The following TASP1 variants were observed in gnomAD, a reference collection of about 807,000 sequenced individuals.
TASP1 encodes the protein threonine aspartase 1.
In TASP1, 16 loss-of-function variants were observed where a neutral mutation model predicts 56.6. The observed-to-expected ratio is 0.28, with a 90% CI of 0.19 to 0.43. The LOEUF is 0.43. Ranked by LOEUF, TASP1 falls within the 20% of genes least tolerant of loss-of-function variation. TASP1 has a pLI of 1.00. For missense variants in TASP1, 393 were observed against 511.6 expected, an observed-to-expected ratio of 0.77 and a Z score of 2.24; for synonymous variants, 179 against 184.2, an observed-to-expected ratio of 0.97 and a Z score of 0.23.
chr20:13,562,614 T>C (rs971294564), intron 7 of TASP1, among the ~76,000 whole-genome samples: 2 of 152,090 alleles, frequency 1.3e-5, no homozygotes, highest in Admixed American at 6.6e-5. Flanking sequence ...CAGTGGCTCA[T>C]GCCTGTAATC....
intron 11 of TASP1, among the ~76,000 whole-genome samples, chr20:13,474,799 T>C (rs2044660094): frequency 6.6e-6 from 1 of 152,194 alleles, no homozygotes; most frequent in African/African-American, 2.4e-5. Context: ...CAACATTTAT[T>C]GTTTTTTGAC....
chr20:13,351,377 G>C, the TASP1 span, among the ~76,000 whole-genome samples: 1 of 152,156 alleles, frequency 6.6e-6, no homozygotes, highest in Non-Finnish European at 1.5e-5. Context: ...ACCTGGTCAC[G>C]AATGTTTTAG....
rs1035655607 is a variant in TASP1, at chr20:13,580,999, A to T, written c.404-18T>A. On this transcript the variant is annotated intron_variant, in intron 5 of 13. Coordinates refer to ENST00000337743, the MANE Select transcript of TASP1 (RefSeq NM_017714.3). The stretch of plus-strand genomic sequence containing the variant: ...CTTGATTCCTATAAAAAAAAAAAAA[A>T]AATTGGCAAAAAAGATGTCAGAAAT... 6.2e-7 allele frequency: 1 copy of T among 1,601,168 alleles called. No homozygotes were observed.
At chr20:13,491,377 A>G (rs1306326754) in intron 10 of TASP1, among the ~76,000 whole-genome samples, 2 of 152,160 alleles carry the variant, frequency 1.3e-5, no homozygotes, top group Non-Finnish European at 2.9e-5. Context: ...TGCGTTCACA[A>G]TACTTTCTCT....
rs559682512 is a variant in TASP1, at chr20:13,499,723, C to A, written c.875-16386G>T. On this transcript the variant is annotated intron_variant, in intron 10 of 13. Coordinates refer to ENST00000337743, the MANE Select transcript of TASP1 (RefSeq NM_017714.3). ...CGAAGCACCTTTCTTGAGAATTTCT[C>A]CTGTGAAATAATAATGCTTGTTATT... 4.6e-5 allele frequency among the ~76,000 whole-genome samples: 7 copies of A among 151,440 alleles called. 1 individual carries two copies. In the South Asian group the frequency reaches 8.4e-4, roughly 18 times the overall value.
chr20:13,508,087 A>G (rs1190549387), intron 10 of TASP1, among the ~76,000 whole-genome samples: 1 of 152,206 alleles, frequency 6.6e-6, no homozygotes, highest in East Asian at 1.9e-4. Context: ...TAGATTAAAG[A>G]TTTAAACATA....
intron 10 of TASP1, among the ~76,000 whole-genome samples, chr20:13,527,298 C>A (rs1290671630): frequency 1.3e-5 from 2 of 151,994 alleles, no homozygotes; most frequent in Admixed American, 1.3e-4. Flanking sequence ...GGACTGGGTG[C>A]TTTGTTAGTG....
the TASP1 span, among the ~76,000 whole-genome samples, chr20:13,121,190 T>A: frequency 1.3e-5 from 2 of 152,176 alleles, no homozygotes; most frequent in Non-Finnish European, 2.9e-5. Flanking sequence ...TCCCACAGCC[T>A]CCACAGGCTG....
At chr20:13,193,197 G>A in the TASP1 span, among the ~76,000 whole-genome samples, 4 of 152,134 alleles carry the variant, frequency 2.6e-5, no homozygotes, top group African/African-American at 9.7e-5. Context: ...AAGAAGCAAA[G>A]AGAAATACAC....
intron 4 of TASP1, among the ~76,000 whole-genome samples, chr20:13,600,781 G>A (rs192391304): frequency 6.6e-6 from 1 of 152,214 alleles, no homozygotes; most frequent in Non-Finnish European, 1.5e-5. Flanking sequence ...ATATGTGTAT[G>A]TATATGCACA....
At chr20:13,331,317 A>G in the TASP1 span, among the ~76,000 whole-genome samples, 1 of 152,216 alleles carries the variant, frequency 6.6e-6, no homozygotes, top group Non-Finnish European at 1.5e-5. Flanking sequence ...TCAGACAGAC[A>G]TTCCCAACAA....
chr20:13,340,971 G>A, the TASP1 span, among the ~76,000 whole-genome samples: 1 of 152,338 alleles, frequency 6.6e-6, no homozygotes, highest in East Asian at 1.9e-4. Flanking sequence ...CAAGTATTGT[G>A]ACTACAAATA....
At chr20:13,490,146 A>G (rs2146559702) in intron 10 of TASP1, among the ~76,000 whole-genome samples, 1 of 152,316 alleles carries the variant, frequency 6.6e-6, no homozygotes, top group East Asian at 1.9e-4. Context: ...GAAAAAGATC[A>G]TTTGATCTGA....
At chr20:13,572,272 T>C (rs1232085675) in intron 6 of TASP1, among the ~76,000 whole-genome samples, 1 of 152,204 alleles carries the variant, frequency 6.6e-6, no homozygotes, top group Non-Finnish European at 1.5e-5. Context: ...CAAACTTCTC[T>C]AGATTAAAGG....
At chr20:13,328,329 A>G in the TASP1 span, among the ~76,000 whole-genome samples, 1 of 152,300 alleles carries the variant, frequency 6.6e-6, no homozygotes, top group African/African-American at 2.4e-5. Flanking sequence ...GAGGTTGCAG[A>G]GAAAAAGGAA....
chr20:13,559,199 C>A (rs898395897), intron 7 of TASP1, 85 bp from the exon 8 acceptor site: 24 of 812,002 alleles, frequency 3.0e-5, no homozygotes, highest in East Asian at 1.8e-4. Flanking sequence ...GAAGAGCCTT[C>A]CCAGAAGAAA....
At chr20:13,295,187 T>C in the TASP1 span, among the ~76,000 whole-genome samples, 2 of 152,196 alleles carry the variant, frequency 1.3e-5, no homozygotes, top group Non-Finnish European at 2.9e-5. Flanking sequence ...GCCTGGCAGC[T>C]GTAACTCTCT....
chr20:13,382,697 A>G, the TASP1 span, among the ~76,000 whole-genome samples: 3 of 152,200 alleles, frequency 2.0e-5, no homozygotes, highest in African/African-American at 7.2e-5. Flanking sequence ...TTTACAGTTT[A>G]TCTGTAATTT....
At chr20:13,333,740 G>A in the TASP1 span, among the ~76,000 whole-genome samples, 1 of 152,132 alleles carries the variant, frequency 6.6e-6, no homozygotes, top group Non-Finnish European at 1.5e-5. Flanking sequence ...AACATAAAAA[G>A]TATTTCTTGC....
Sources: gnomAD v4.1 joint callset for allele counts (sites outside exome capture counted in the v4.1 genomes callset) on GRCh38, gnomAD v4.1.1 for gene constraint, MANE v1.5 for transcripts, NCBI Gene and HGNC (gene_info 2026-07-23, HGNC 2026-07-21) for gene names.